NAV3: variants seen among roughly 807,000 people sequenced by gnomAD.
NAV3 encodes neuron navigator 3.
A neutral mutation model predicts 244.7 loss-of-function variants in NAV3; 87 were observed. That is an observed-to-expected ratio of 0.36 (90% CI 0.30 to 0.42). The LOEUF is 0.42. Ranked by LOEUF, NAV3 falls within the 20% of genes least tolerant of loss-of-function variation. The pLI, the probability that NAV3 is intolerant of heterozygous loss-of-function variation, is 1.00. For synonymous variants in NAV3, 1,126 were observed against 1,042.2 expected, an observed-to-expected ratio of 1.08 and a Z score of -1.55; for missense variants, 2,663 against 2,893.3, an observed-to-expected ratio of 0.92 and a Z score of 1.83.
rs1888947664 is a variant in NAV3, at chr12:77,932,900, C to T, written c.244-7419C>T. 2.6e-5 allele frequency among the ~76,000 whole-genome samples: 4 copies of T among 152,248 alleles called. No individual in the cohort carries two copies. In the South Asian group the frequency reaches 8.3e-4, roughly 32 times the overall value. On this transcript the variant is annotated intron_variant, in intron 1 of 39. Transcript: ENST00000397909. Reference sequence around the variant, plus strand: ...TACAAAATTCTCTGAAATCATGAGGCTATTTCATAGCTCTGTTCCTCTGTA... The same window carrying T: ...TACAAAATTCTCTGAAATCATGAGGTTATTTCATAGCTCTGTTCCTCTGTA...
At chr12:77,889,636 A>T (rs1341996541) in intron 1 of NAV3, among the ~76,000 whole-genome samples, 1 of 152,224 alleles carries the variant, frequency 6.6e-6, no homozygotes, top group South Asian at 2.1e-4. Context: ...CATAAAATAA[A>T]GTACTTTATC....
intron 2 of NAV3, among the ~76,000 whole-genome samples, chr12:77,668,890 T>G (rs1873838201): frequency 6.6e-6 from 1 of 152,060 alleles, no homozygotes; most frequent in African/African-American, 2.4e-5. Context: ...TCTTAAGAGG[T>G]GTGAGGCAAA....
At chr12:77,656,100 C>T (rs7312009) in intron 2 of NAV3, among the ~76,000 whole-genome samples, 25,937 of 149,532 alleles carry the variant, frequency 0.17, 3,010 homozygotes, top group African/African-American at 0.33. Context: ...CAAATTCACA[C>T]ATAACAATAT....
At chr12:78,169,193 A>G (rs1194237541) in intron 24 of NAV3, among the ~76,000 whole-genome samples, 1 of 151,686 alleles carries the variant, frequency 6.6e-6, no homozygotes, top group African/African-American at 2.4e-5. Context: ...ATACATGCAT[A>G]TCTGACTTCA....
At chr12:78,031,170 A>G (rs1411327603) in intron 9 of NAV3, among the ~76,000 whole-genome samples, 1 of 152,162 alleles carries the variant, frequency 6.6e-6, no homozygotes, top group Non-Finnish European at 1.5e-5. Flanking sequence ...GAGTCCTGAA[A>G]ATAGTACAGA....
chr12:77,880,258 G>T (rs565769143), intron 1 of NAV3, among the ~76,000 whole-genome samples: 1 of 152,260 alleles, frequency 6.6e-6, no homozygotes, highest in South Asian at 2.1e-4. Context: ...GAAGATACCA[G>T]CAGGAAGCCT....
intron 2 of NAV3, among the ~76,000 whole-genome samples, chr12:77,696,667 A>G (rs1875314858): frequency 6.6e-6 from 1 of 152,200 alleles, no homozygotes; most frequent in African/African-American, 2.4e-5. Flanking sequence ...TAACTAATAT[A>G]CCAGACTAGC....
chr12:77,871,340 C>T (rs1356810724), intron 1 of NAV3, among the ~76,000 whole-genome samples: 3 of 151,870 alleles, frequency 2.0e-5, no homozygotes, highest in Non-Finnish European at 4.4e-5. Flanking sequence ...GCAGAATGTG[C>T]AGGTTTGTTA....
chr12:77,650,701 C>T (rs545387032), intron 2 of NAV3, among the ~76,000 whole-genome samples: 1 of 152,040 alleles, frequency 6.6e-6, no homozygotes, highest in East Asian at 1.9e-4. Flanking sequence ...ATTTTTGTTT[C>T]ATGGATGTTA....
At chr12:77,865,798 C>CAT (rs1555218732) in intron 1 of NAV3, among the ~76,000 whole-genome samples, 13 of 149,154 alleles carry the variant, frequency 8.7e-5, no homozygotes, top group South Asian at 2.1e-4. Flanking sequence ...CGTATATATG[C>CAT]GTGTGTGTGT....
At chr12:77,793,644 G>A (rs1307375081) in intron 2 of NAV3, among the ~76,000 whole-genome samples, 1 of 152,082 alleles carries the variant, frequency 6.6e-6, no homozygotes, top group African/African-American at 2.4e-5. Flanking sequence ...CCCTGCAAAG[G>A]ATATGTACTC....
At chr12:77,647,065 T>TAC (rs113864567) in intron 2 of NAV3, among the ~76,000 whole-genome samples, 3,785 of 130,436 alleles carry the variant, frequency 0.029, 60 homozygotes, top group Middle Eastern at 0.09. Context: ...AACATATATA[T>TAC]ATACACACAC....
Position 78,059,050 on chromosome 12 carries a change from A to G in NAV3, c.2571A>G (p.Pro857=), listed in dbSNP as rs768659047. 1 of 1,612,156 alleles carries G rather than the reference A, an allele frequency of 6.2e-7. No individual in the cohort carries two copies. Among genetic ancestry groups the G allele is most frequent in the South Asian group, 1.1e-5 (1 of 90,872 alleles). The part of the protein sequence containing the change: ...NLYTRSLNRI[P]DTATSRDIIQ... Reference sequence around the variant, plus strand: ...ATACTAGAAGTCTGAACCGAATACCAGACACAGCAACTTCCCGGGACATCA... The same window carrying G: ...ATACTAGAAGTCTGAACCGAATACCGGACACAGCAACTTCCCGGGACATCA... The change falls in exon 12 of 40, where the codon CCA becomes CCG. Residue 857 remains proline (P), a synonymous_variant. Transcript: ENST00000397909.
rs901056938 is a variant in NAV3 at position 77,815,049 on chromosome 12, C to T, written c.73-125270C>T. Among the ~76,000 whole-genome samples the T allele has an allele frequency of 5.9e-5, 9 of 152,112 alleles. No individual in the cohort carries two copies. In the South Asian group the frequency reaches 1.0e-3, roughly 18 times the overall value. On this transcript the variant is annotated intron_variant, in intron 2 of 8. Coordinates refer to the NAV3 transcript ENST00000550042. ...TCAGAGTAAAGAAGTATGATAGCAG[C>T]GAGTGAGCCCCAGTGGCAGAAGGGT...
At chr12:77,809,035 G>A (rs1272362728) in intron 2 of NAV3, among the ~76,000 whole-genome samples, 1 of 152,118 alleles carries the variant, frequency 6.6e-6, no homozygotes, top group Admixed American at 6.5e-5. Context: ...CCAAGATCAA[G>A]CATCGCAGGT....
At chr12:78,183,444 C>T (rs1014866474) in intron 30 of NAV3, among the ~76,000 whole-genome samples, 8 of 151,714 alleles carry the variant, frequency 5.3e-5, no homozygotes, top group Admixed American at 1.3e-4. Context: ...CTGTTAAAGC[C>T]CCATTTTATA....
intron 2 of NAV3, among the ~76,000 whole-genome samples, chr12:77,683,158 A>G (rs1432421737): frequency 1.3e-5 from 2 of 152,022 alleles, no homozygotes; most frequent in African/African-American, 4.8e-5. Context: ...CTTATATTTG[A>G]GTTCTTTAAT....
intron 2 of NAV3, among the ~76,000 whole-genome samples, chr12:77,745,675 G>T (rs10859303): frequency 0.43 from 65,753 of 151,602 alleles, 15,124 homozygotes; most frequent in East Asian, 0.8. Flanking sequence ...AGAGCTTGGG[G>T]TCAATTGTGG....
At position 77,718,661 on chromosome 12, in the gene NAV3, T is replaced by TTTG. The variant is rs549600886; in HGVS notation, c.72+146397_72+146398insGTT. 5.6e-3 allele frequency among the ~76,000 whole-genome samples: 837 copies of TTTG among 149,100 alleles called. 7 individuals carry two copies. The highest frequency in any genetic ancestry group is 0.02 in the African/African-American group (777 of 38,650). On this transcript the variant is annotated intron_variant, in intron 2 of 8. Transcript: ENST00000550042. ...ATCCAATTCATGTATATAGGATGTCTTTTCTTTTTTTTCGAGACAGAGTTT... is the reference window on the plus strand; with the variant it reads ...ATCCAATTCATGTATATAGGATGTCTTTGTTTCTTTTTTTTCGAGACAGAGTTT...
Sources: gnomAD v4.1 joint callset for allele counts (sites outside exome capture counted in the v4.1 genomes callset) on GRCh38, gnomAD v4.1.1 for gene constraint, MANE v1.5 for transcripts, NCBI Gene and HGNC (gene_info 2026-07-23, HGNC 2026-07-21) for gene names.